The following ARPP19 variants were observed in gnomAD, a reference collection of about 807,000 sequenced individuals.
ARPP19 encodes the protein cAMP-regulated phosphoprotein 19.
A neutral mutation model predicts 12.0 loss-of-function variants in ARPP19; 8 were observed. That is an observed-to-expected ratio of 0.67 (90% confidence interval 0.39 to 1.21). The LOEUF (loss-of-function observed/expected upper bound fraction) is 1.21, where lower values mean the gene tolerates loss of function less well. Among genes scored for constraint, ARPP19 ranks in the 50% most tolerant of loss-of-function variants. The pLI, the probability that ARPP19 is intolerant of heterozygous loss-of-function variation, is 0.01. For missense variants in ARPP19, 102 were observed against 136.3 expected, an observed-to-expected ratio of 0.75 and a Z score of 1.25; for synonymous variants, 47 against 50.4, an observed-to-expected ratio of 0.93 and a Z score of 0.29.
intron 2 of ARPP19, among the ~76,000 whole-genome samples, chr15:52,552,558 AG>A (rs2077943879): frequency 7.3e-6 from 1 of 137,778 alleles, no homozygotes; most frequent in Admixed American, 7.9e-5. Context: ...ACTGCACTCC[AG>A]CCTGGGCAAC....
At chr15:52,569,086 C>T, upstream of ARPP19, 1 of 562,528 alleles carries the variant, frequency 1.8e-6, no homozygotes. Flanking sequence ...CGGAGCCCGC[C>T]TGCCCCTCCC....
upstream of ARPP19, chr15:52,569,056 T>TGGCCAA: frequency 3.4e-6 from 2 of 592,198 alleles, no homozygotes; most frequent in South Asian, 4.0e-5. Flanking sequence ...AACGCTCCGC[T>TGGCCAA]GGCCAAGGCC....
At chr15:52,552,326 T>C (rs1160352910) in intron 2 of ARPP19, among the ~76,000 whole-genome samples, 2 of 151,734 alleles carry the variant, frequency 1.3e-5, no homozygotes, top group African/African-American at 4.8e-5. Context: ...TCCCAACACT[T>C]TGGGAGGCCA....
chr15:52,558,585 A>G (rs1235807803), intron 1 of ARPP19, among the ~76,000 whole-genome samples: 1 of 152,094 alleles, frequency 6.6e-6, no homozygotes, highest in Non-Finnish European at 1.5e-5. Context: ...TGCACATTAA[A>G]TCAGCAAAAT....
intron 1 of ARPP19, among the ~76,000 whole-genome samples, chr15:52,567,969 C>T (rs1219840709): frequency 6.6e-6 from 1 of 152,178 alleles, no homozygotes; most frequent in Non-Finnish European, 1.5e-5. Context: ...CCCTTTCTCA[C>T]TTCTCGGCCA....
At chr15:52,567,880 A>T (rs1039159598) in intron 1 of ARPP19, among the ~76,000 whole-genome samples, 1 of 152,186 alleles carries the variant, frequency 6.6e-6, no homozygotes, top group African/African-American at 2.4e-5. Flanking sequence ...GCAGTAGACC[A>T]AAATCGTATT....
At chr15:52,561,347 A>C (rs969694523) in intron 1 of ARPP19, among the ~76,000 whole-genome samples, 2 of 152,226 alleles carry the variant, frequency 1.3e-5, no homozygotes. Flanking sequence ...GTTAGGATGT[A>C]AGGGATAAAG....
chr15:52,561,893 C>G (rs1244103317), intron 1 of ARPP19, among the ~76,000 whole-genome samples: 1 of 147,610 alleles, frequency 6.8e-6, no homozygotes, highest in East Asian at 2.0e-4. Context: ...ACATACCAGG[C>G]AAAAAATCCT....
At chr15:52,556,947 C>A (rs1302341626) in intron 2 of ARPP19, 153 bp downstream of exon 2, 1 of 719,194 alleles carries the variant, frequency 1.4e-6, no homozygotes, top group African/African-American at 1.8e-5. Flanking sequence ...TTATAAACTG[C>A]AAAATATTGG....
In ARPP19 at chr15:52,549,830, T is replaced by C. The variant is rs1478907154; in HGVS notation, c.*2104A>G. On this transcript the variant is annotated 3_prime_UTR_variant, in exon 3 of 3. Transcript: ENST00000249822. ...GTTATTTTAAACTTCTTAAATTGAT[T>C]CTATAATGAGTATATACTTGCTCTC... 2 of 152,496 alleles carry C rather than the reference T, an allele frequency of 1.3e-5. No homozygotes were observed. The highest frequency in any genetic ancestry group is 4.8e-5 in the African/African-American group (2 of 41,360). The allele number at this position is 152,496 out of a possible 1,614,324, so 9.4% of individuals were successfully genotyped here.
At chr15:52,566,568 A>C (rs2078084144) in intron 1 of ARPP19, among the ~76,000 whole-genome samples, 1 of 152,004 alleles carries the variant, frequency 6.6e-6, no homozygotes, top group Non-Finnish European at 1.5e-5. Flanking sequence ...ACAGGCCTAC[A>C]GACATGCCAC....
chr15:52,558,800 AG>A (rs2078006570), intron 1 of ARPP19, among the ~76,000 whole-genome samples: 1 of 150,532 alleles, frequency 6.6e-6, no homozygotes, highest in Non-Finnish European at 1.5e-5. Context: ...AAAAAAAAAA[AG>A]ATGAAGATCC....
intron 2 of ARPP19, among the ~76,000 whole-genome samples, chr15:52,556,109 C>A (rs920852317): frequency 2.6e-5 from 4 of 151,932 alleles, no homozygotes; most frequent in African/African-American, 9.7e-5. Context: ...GAATATTATT[C>A]TTTCATGTAA....
upstream of ARPP19, chr15:52,569,168 A>C (rs1184584746): frequency 8.6e-6 from 4 of 464,886 alleles, no homozygotes; most frequent in Non-Finnish European, 1.5e-5. Flanking sequence ...TTTTTCCTTC[A>C]AAGGTCGCCG....
At chr15:52,568,802 G>A in intron 1 of ARPP19, 46 bp downstream of exon 1, 3 of 1,472,086 alleles carry the variant, frequency 2.0e-6, no homozygotes, top group Non-Finnish European at 2.7e-6. Context: ...CCGCCCGCCA[G>A]ACCCGGCCTT....
At chr15:52,560,826 C>T (rs894410343) in intron 1 of ARPP19, among the ~76,000 whole-genome samples, 8 of 152,320 alleles carry the variant, frequency 5.3e-5, no homozygotes, top group Admixed American at 1.3e-4. Flanking sequence ...AGACAGCAGT[C>T]GCCCCTGTGA....
intron 1 of ARPP19, among the ~76,000 whole-genome samples, chr15:52,567,383 T>TACTA (rs2078093466): frequency 6.6e-6 from 1 of 152,218 alleles, no homozygotes; most frequent in Non-Finnish European, 1.5e-5. Context: ...TTTGGCAACA[T>TACTA]ACTAACAGAA....
intron 1 of ARPP19, among the ~76,000 whole-genome samples, chr15:52,567,597 T>C (rs1440393512): frequency 2.6e-5 from 4 of 152,216 alleles, no homozygotes; most frequent in African/African-American, 9.6e-5. Flanking sequence ...ACTTTAATAT[T>C]TGTATTTTTG....
At chr15:52,557,881 C>T (rs1182791095) in intron 1 of ARPP19, 3 of 152,058 alleles carry the variant, frequency 2.0e-5, no homozygotes, top group Admixed American at 2.0e-4. Context: ...CTGGCCCATC[C>T]TGTTATTTTT....
Sources: allele counts gnomAD v4.1 joint callset (sites outside exome capture counted in the v4.1 genomes callset), GRCh38; gene constraint gnomAD v4.1.1; transcripts MANE v1.5; gene names NCBI Gene and HGNC (gene_info 2026-07-23, HGNC 2026-07-21).